The following CAMK1D variants were observed in gnomAD, a reference collection of about 807,000 sequenced individuals.
CAMK1D encodes calcium/calmodulin-dependent protein kinase type 1D.
In CAMK1D, 9 loss-of-function variants were observed where a neutral mutation model predicts 47.7. The observed-to-expected ratio is 0.19, with a 90% CI of 0.11 to 0.33. The LOEUF (loss-of-function observed/expected upper bound fraction) is 0.33, where lower values mean the gene tolerates loss of function less well. Ranked by LOEUF, CAMK1D falls within the 10% of genes least tolerant of loss-of-function variation. CAMK1D has a pLI of 1.00. For synonymous variants in CAMK1D, 184 were observed against 184.9 expected (o/e 0.99, Z 0.04); for missense variants, 291 against 488.7 (o/e 0.60, Z 3.81).
chr10:12,644,867 T>G (rs1344747724), intron 2 of CAMK1D, among the ~76,000 whole-genome samples: 10 of 152,206 alleles, frequency 6.6e-5, no homozygotes, highest in African/African-American at 2.4e-4. Context: ...CTTCTTTATC[T>G]CCAAAGAAAG....
At position 12,414,618 on chromosome 10, in the gene CAMK1D, G is replaced by T. The variant is rs889556162; in HGVS notation, c.92+64708G>T. 5.3e-5 allele frequency among the ~76,000 whole-genome samples: 8 copies of T among 152,118 alleles called. No individual in the cohort carries two copies. In the South Asian group the frequency reaches 8.3e-4, roughly 16 times the overall value. On this transcript the variant is annotated intron_variant, in intron 1 of 10. Transcript: ENST00000619168. ...ATTTAACACTAATGCCTACTTGTAGGCACCTTTCTGAAAATGTTCTGATGA... is the reference window on the plus strand; with the variant it reads ...ATTTAACACTAATGCCTACTTGTAGTCACCTTTCTGAAAATGTTCTGATGA...
intron 3 of CAMK1D, among the ~76,000 whole-genome samples, chr10:12,759,813 TCA>T (rs1443275337): frequency 6.6e-6 from 1 of 152,174 alleles, no homozygotes; most frequent in Non-Finnish European, 1.5e-5. Context: ...TTTCAGTGGA[TCA>T]GTTATTGCGC....
intron 3 of CAMK1D, among the ~76,000 whole-genome samples, chr10:12,704,316 T>G (rs1833647349): frequency 6.6e-6 from 1 of 152,222 alleles, no homozygotes; most frequent in African/African-American, 2.4e-5. Flanking sequence ...CTGCCATCAT[T>G]GCTGGAATAG....
intron 3 of CAMK1D, among the ~76,000 whole-genome samples, chr10:12,726,981 A>T (rs1250597722): frequency 3.9e-5 from 6 of 152,216 alleles, no homozygotes; most frequent in Non-Finnish European, 7.3e-5. Flanking sequence ...GTATTCAGTC[A>T]GGCCTACGGC....
intron 2 of CAMK1D, among the ~76,000 whole-genome samples, chr10:12,587,888 A>G (rs139201323): frequency 1.7e-4 from 26 of 152,148 alleles, no homozygotes; most frequent in African/African-American, 6.0e-4. Context: ...TGGCTGTGCT[A>G]TAGAAAGCAC....
chr10:12,725,543 C>CAA (rs774814600), intron 3 of CAMK1D, among the ~76,000 whole-genome samples: 36 of 152,248 alleles, frequency 2.4e-4, no homozygotes, highest in Non-Finnish European at 4.3e-4. Flanking sequence ...AGTAATCTGA[C>CAA]AAAGTTTAAC....
In CAMK1D at chr10:12,577,319, C is replaced by A. The variant is rs1247649829; in HGVS notation, c.224+23963C>A. ...TCTCACTAGGAACTATGCCTCCAGC[C>A]CTTTGGTGGATTAACACCTGCCACC... On this transcript the variant is annotated intron_variant, in intron 2 of 10. Coordinates refer to ENST00000619168, the MANE Select transcript of CAMK1D (RefSeq NM_153498.4). Among the ~76,000 whole-genome samples the A allele has an allele frequency of 2.0e-5, 3 of 152,292 alleles. No individual in the cohort carries two copies. The East Asian group carries it at 5.8e-4, about 29-fold the overall frequency.
At chr10:12,724,001 C>T (rs1018368706) in intron 3 of CAMK1D, among the ~76,000 whole-genome samples, 1 of 152,074 alleles carries the variant, frequency 6.6e-6, no homozygotes, top group Non-Finnish European at 1.5e-5. Context: ...TGAGTGAGAA[C>T]ATGCGGTGGT....
chr10:12,478,789 C>T (rs1833976863), intron 1 of CAMK1D, among the ~76,000 whole-genome samples: 1 of 152,138 alleles, frequency 6.6e-6, no homozygotes, highest in South Asian at 2.1e-4. Flanking sequence ...GCCTCTCTCT[C>T]ATGCTCTCCT....
At chr10:12,677,690 T>A (rs1216114068) in intron 3 of CAMK1D, among the ~76,000 whole-genome samples, 1 of 151,904 alleles carries the variant, frequency 6.6e-6, no homozygotes, top group Non-Finnish European at 1.5e-5. Context: ...GAAGAGTCTG[T>A]GAGGGGCTCA....
chr10:12,482,961 T>C (rs773353292), intron 1 of CAMK1D, among the ~76,000 whole-genome samples: 6 of 152,148 alleles, frequency 3.9e-5, no homozygotes, highest in Non-Finnish European at 5.9e-5. Flanking sequence ...TAATAACCCT[T>C]TCCCTGCCCA....
At chr10:12,609,619 A>G (rs1234444967) in intron 2 of CAMK1D, among the ~76,000 whole-genome samples, 1 of 152,116 alleles carries the variant, frequency 6.6e-6, no homozygotes, top group African/African-American at 2.4e-5. Flanking sequence ...CTCCCATGAG[A>G]ATCTAATGCC....
chr10:12,547,233 A>G (rs977431947), intron 1 of CAMK1D, among the ~76,000 whole-genome samples: 4 of 152,214 alleles, frequency 2.6e-5, no homozygotes, highest in Admixed American at 6.5e-5. Context: ...AACCAGTAGG[A>G]TGAGCAGTGA....
At chr10:12,698,407 T>A (rs1204243802) in intron 3 of CAMK1D, among the ~76,000 whole-genome samples, 2 of 152,198 alleles carry the variant, frequency 1.3e-5, no homozygotes, top group Admixed American at 1.3e-4. Flanking sequence ...ATACATAACC[T>A]GTTTTATGTG....
chr10:12,520,102 C>G lies in CAMK1D; in HGVS notation c.93-33123C>G, dbSNP rs1465430918. On this transcript the variant is annotated intron_variant, in intron 1 of 10. Transcript: ENST00000619168. ...CCCACCTCCCTCCCGGACGGGGTGG[C>G]TGCCGGGCGGAGAGGCTCCTCACTT... 7.3e-5 allele frequency among the ~76,000 whole-genome samples: 6 copies of G among 82,022 alleles called. 2 individuals carry two copies. The highest frequency in any genetic ancestry group is 1.5e-4 in the Non-Finnish European group (6 of 38,762). The allele number at this position is 82,022 out of a possible 152,430, so 53.8% of individuals were successfully genotyped here. A position where few individuals can be genotyped will look rare whatever the true frequency, so the allele number is the denominator to read the frequency against.
At position 12,829,268 on chromosome 10, in the gene CAMK1D, A is replaced by G. The variant is rs184790973; in HGVS notation, c.*381A>G. 1.9e-3 allele frequency: 303 copies of G among 161,662 alleles called. 2 individuals carry two copies. Among genetic ancestry groups the G allele is most frequent in the Admixed American group, 0.01 (161 of 15,544 alleles). 10.0% of individuals were successfully genotyped at this position (161,662 alleles called of 1,614,324 possible). ...AAAAAGGTTTCAACTGGATTATTTA[A>G]ATATTGGTAAATATTGTGCATTAGG... On this transcript the variant is annotated 3_prime_UTR_variant, in exon 11 of 11. Coordinates refer to ENST00000619168, the MANE Select transcript of CAMK1D (RefSeq NM_153498.4).
intron 2 of CAMK1D, among the ~76,000 whole-genome samples, chr10:12,630,627 C>T (rs1264703234): frequency 6.6e-6 from 1 of 151,782 alleles, no homozygotes; most frequent in African/African-American, 2.4e-5. Flanking sequence ...CTATGTTGCC[C>T]TGGCTGTTCT....
intron 1 of CAMK1D, among the ~76,000 whole-genome samples, chr10:12,432,326 A>G (rs758917716): frequency 1.3e-5 from 2 of 152,184 alleles, no homozygotes; most frequent in Non-Finnish European, 2.9e-5. Context: ...AACTTAGTCC[A>G]AGGTTTATTT....
chr10:12,597,220 C>G (rs1838171095), intron 2 of CAMK1D, among the ~76,000 whole-genome samples: 1 of 152,202 alleles, frequency 6.6e-6, no homozygotes, highest in South Asian at 2.1e-4. Flanking sequence ...TGCACGTGGT[C>G]TGTATGGTGG....
Sources: gnomAD v4.1 joint callset for allele counts (sites outside exome capture counted in the v4.1 genomes callset) on GRCh38, gnomAD v4.1.1 for gene constraint, MANE v1.5 for transcripts, NCBI Gene and HGNC (gene_info 2026-07-23, HGNC 2026-07-21) for gene names.